EPHA3: variants seen among roughly 807,000 people sequenced by gnomAD.
EPHA3 encodes the protein ephrin type-A receptor 3.
Under a neutral mutation model 107.1 loss-of-function variants are expected in EPHA3, and 42 were observed. That is an observed-to-expected ratio of 0.39 (90% CI 0.31 to 0.51). The LOEUF (loss-of-function observed/expected upper bound fraction) is 0.51, where lower values mean the gene tolerates loss of function less well. Ranked by LOEUF, EPHA3 falls within the 20% of genes least tolerant of loss-of-function variation. The pLI, the probability that EPHA3 is intolerant of heterozygous loss-of-function variation, is 0.78. For synonymous variants in EPHA3, 461 were observed against 424.8 expected, an observed-to-expected ratio of 1.09 and a Z score of -1.05; for missense variants, 1,183 against 1,211.2, an observed-to-expected ratio of 0.98 and a Z score of 0.35.
chr3:89,454,860 GGT>G (rs1710065690), intron 15 of EPHA3, among the ~76,000 whole-genome samples: 1 of 151,962 alleles, frequency 6.6e-6, no homozygotes, highest in Non-Finnish European at 1.5e-5. Context: ...CAGGCATGGT[GGT>G]GTTTGCCAGT....
intron 6 of EPHA3, among the ~76,000 whole-genome samples, chr3:89,398,586 T>TA (rs534273879): frequency 0.01 from 1,594 of 152,082 alleles, 33 homozygotes; most frequent in African/African-American, 0.036. Flanking sequence ...TTAAGGTTGA[T>TA]AAAAAAAAGT....
At chr3:89,319,893 G>C (rs113988434) in intron 3 of EPHA3, among the ~76,000 whole-genome samples, 31 of 151,634 alleles carry the variant, frequency 2.0e-4, no homozygotes, top group African/African-American at 7.3e-4. Context: ...TTTAAAACTC[G>C]TGGGCTTGTT....
At chr3:89,400,965 T>C (rs2107510772) in intron 7 of EPHA3, among the ~76,000 whole-genome samples, 1 of 152,300 alleles carries the variant, frequency 6.6e-6, no homozygotes, top group South Asian at 2.1e-4. Flanking sequence ...TGGAATATAA[T>C]AATCTTCTGA....
At chr3:89,253,126 A>G (rs1382069116) in intron 3 of EPHA3, among the ~76,000 whole-genome samples, 2 of 152,040 alleles carry the variant, frequency 1.3e-5, no homozygotes, top group Non-Finnish European at 2.9e-5. Flanking sequence ...TGATCCCAGC[A>G]GGAGTTATAG....
At chr3:89,129,573 T>C (rs1704159533) in intron 2 of EPHA3, among the ~76,000 whole-genome samples, 1 of 150,990 alleles carries the variant, frequency 6.6e-6, no homozygotes, top group Non-Finnish European at 1.5e-5. Context: ...TAAGGAAATA[T>C]ATAGTGCAGA....
At chr3:89,120,514 G>C (rs1422708795) in intron 1 of EPHA3, among the ~76,000 whole-genome samples, 1 of 152,116 alleles carries the variant, frequency 6.6e-6, no homozygotes, top group African/African-American at 2.4e-5. Context: ...ATACCTGTTT[G>C]TTCCATAATA....
At chr3:89,474,453 T>C (rs1710466915) in intron 16 of EPHA3, among the ~76,000 whole-genome samples, 1 of 152,172 alleles carries the variant, frequency 6.6e-6, no homozygotes, top group Admixed American at 6.5e-5. Flanking sequence ...CTTATTTTAG[T>C]AATATAAACA....
intron 2 of EPHA3, among the ~76,000 whole-genome samples, chr3:89,165,230 G>A (rs1705036754): frequency 1.3e-5 from 2 of 152,118 alleles, no homozygotes; most frequent in Non-Finnish European, 2.9e-5. Flanking sequence ...AGCTGAATGA[G>A]AACACAAAGA....
rs180837430 is a variant in EPHA3, at chr3:89,275,213, C to T, written c.814+64693C>T. On this transcript the variant is annotated intron_variant, in intron 3 of 16. Transcript: ENST00000336596. The stretch of plus-strand genomic sequence containing the variant: ...TGGATATGCTATGAGACAGTCCTTG[C>T]GGGAGCAATGTCAATTCTACACACT... 2.6e-4 allele frequency among the ~76,000 whole-genome samples: 39 copies of T among 152,060 alleles called. No individual in the cohort carries two copies. In the East Asian group the frequency reaches 2.7e-3, roughly 11 times the overall value.
intron 16 of EPHA3, among the ~76,000 whole-genome samples, chr3:89,473,971 C>T (rs1189274828): frequency 6.6e-6 from 1 of 152,006 alleles, no homozygotes; most frequent in Non-Finnish European, 1.5e-5. Context: ...TAAATAAACC[C>T]TTTAGTCCCC....
At chr3:89,375,010 T>G (rs76713427) in intron 5 of EPHA3, among the ~76,000 whole-genome samples, 1 of 151,924 alleles carries the variant, frequency 6.6e-6, no homozygotes, top group South Asian at 2.1e-4. Context: ...TACAACTCAA[T>G]TTCACAATTC....
At chr3:89,170,674 T>C (rs1048823948) in intron 2 of EPHA3, among the ~76,000 whole-genome samples, 6 of 152,166 alleles carry the variant, frequency 3.9e-5, no homozygotes, top group African/African-American at 7.2e-5. Flanking sequence ...TATAAATATT[T>C]AACCCTAAGT....
chr3:89,143,321 TA>T (rs1176362789), intron 2 of EPHA3, among the ~76,000 whole-genome samples: 2 of 151,498 alleles, frequency 1.3e-5, no homozygotes, highest in African/African-American at 4.8e-5. Context: ...TCTGTACTAC[TA>T]AGTGGCGTTG....
chr3:89,211,506 T>C (rs556888161), intron 3 of EPHA3, among the ~76,000 whole-genome samples: 60 of 152,198 alleles, frequency 3.9e-4, no homozygotes, highest in African/African-American at 1.4e-3. Context: ...AGTCTGGTGT[T>C]CTACTCCTGA....
At chr3:89,280,447 T>A (rs546905925) in intron 3 of EPHA3, among the ~76,000 whole-genome samples, 1 of 152,286 alleles carries the variant, frequency 6.6e-6, no homozygotes, top group South Asian at 2.1e-4. Context: ...ATCTCCTCTG[T>A]CTATTATACA....
intron 2 of EPHA3, among the ~76,000 whole-genome samples, chr3:89,170,041 G>T (rs113345228): frequency 7.9e-5 from 12 of 152,150 alleles, no homozygotes; most frequent in African/African-American, 2.4e-4. Context: ...GAGGTCAGGG[G>T]ATCGAGACCA....
chr3:89,194,734 C>T (rs985421542), intron 2 of EPHA3, among the ~76,000 whole-genome samples: 1 of 152,068 alleles, frequency 6.6e-6, no homozygotes, highest in African/African-American at 2.4e-5. Context: ...TCAGACCATA[C>T]TTTGCTCTAA....
intron 2 of EPHA3, among the ~76,000 whole-genome samples, chr3:89,163,543 G>C (rs1704995129): frequency 6.6e-6 from 1 of 152,068 alleles, no homozygotes; most frequent in African/African-American, 2.4e-5. Flanking sequence ...TAAAAATAAT[G>C]TGTAGATGTT....
chr3:89,258,757 C>T (rs1197029585), intron 3 of EPHA3, among the ~76,000 whole-genome samples: 1 of 152,152 alleles, frequency 6.6e-6, no homozygotes, highest in Non-Finnish European at 1.5e-5. Flanking sequence ...ATCCCCACCT[C>T]AGTCAAAGAT....
Sources: allele counts gnomAD v4.1 joint callset (sites outside exome capture counted in the v4.1 genomes callset), GRCh38; gene constraint gnomAD v4.1.1; transcripts MANE v1.5; gene names NCBI Gene and HGNC (gene_info 2026-07-23, HGNC 2026-07-21).